The following UGT2A2 variants were observed in gnomAD, a reference collection of about 807,000 sequenced individuals.
UGT2A2 encodes UDP-glucuronosyltransferase 2A2.
A neutral mutation model predicts 50.7 loss-of-function variants in UGT2A2; 60 were observed. The observed-to-expected ratio is 1.18, with a 90% CI of 0.96 to 1.47. The LOEUF (loss-of-function observed/expected upper bound fraction) is 1.47. Among genes scored for constraint, UGT2A2 ranks in the 40% most tolerant of loss-of-function variants. The pLI is 0.00. For missense variants in UGT2A2, 762 were observed against 634.0 expected, an observed-to-expected ratio of 1.20 and a Z score of -2.17; for synonymous variants, 242 against 214.6, an observed-to-expected ratio of 1.13 and a Z score of -1.11.
At chr4:69,619,238 A>G (rs997802107) in intron 1 of UGT2A2, among the ~76,000 whole-genome samples, 2 of 151,742 alleles carry the variant, frequency 1.3e-5, no homozygotes, top group Non-Finnish European at 2.9e-5. Context: ...CTCTATAAAA[A>G]TAAAAATAAA....
chr4:69,589,861 C>G (rs2288740), intron 5 of UGT2A2, among the ~76,000 whole-genome samples: 59,331 of 151,828 alleles, frequency 0.39, 11,852 homozygotes, highest in East Asian at 0.56. Flanking sequence ...ACAGTATGAT[C>G]AAATGTAGAC....
Position 69,589,234 on chromosome 4 carries a change from C to T in UGT2A2, c.*138G>A, listed in dbSNP as rs1053563082. ...CTAGGCTTTATCAGTAGGCTTATCG[C>T]AGGTAGAGAAATAGAAAATTTGGAA... On this transcript the variant is annotated 3_prime_UTR_variant, in exon 6 of 6. Transcript: ENST00000604629. 3.5e-6 allele frequency: 4 copies of T among 1,127,208 alleles called. No homozygotes were observed. The highest frequency in any genetic ancestry group is 4.8e-6 in the Non-Finnish European group (4 of 833,136). The allele number at this position is 1,127,208 out of a possible 1,614,324, so 69.8% of individuals were successfully genotyped here. A position where few individuals can be genotyped will look rare whatever the true frequency, so the allele number is the denominator to read the frequency against.
At chr4:69,609,033 C>T (rs1430883648) in intron 1 of UGT2A2, among the ~76,000 whole-genome samples, 1 of 151,784 alleles carries the variant, frequency 6.6e-6, no homozygotes, top group Non-Finnish European at 1.5e-5. Flanking sequence ...TATTCACTTC[C>T]ATTAAATTTA....
At chr4:69,628,290 A>AG (rs1057015075) in intron 1 of UGT2A2, among the ~76,000 whole-genome samples, 2 of 151,784 alleles carry the variant, frequency 1.3e-5, no homozygotes, top group African/African-American at 4.8e-5. Flanking sequence ...CCACAAAAAA[A>AG]CAAATATTCA....
intron 1 of UGT2A2, among the ~76,000 whole-genome samples, chr4:69,623,959 A>C (rs904007167): frequency 2.0e-5 from 3 of 151,708 alleles, no homozygotes; most frequent in African/African-American, 4.8e-5. Flanking sequence ...AGCATCTTAT[A>C]GATTGTGAAA....
intron 5 of UGT2A2, among the ~76,000 whole-genome samples, chr4:69,591,973 G>A (rs1440759569): frequency 2.0e-5 from 3 of 152,106 alleles, no homozygotes; most frequent in South Asian, 2.1e-4. Flanking sequence ...CAACATGTAC[G>A]TATTAATAAA....
rs1480503273 is a variant in UGT2A2 at position 69,602,462 on chromosome 4, TTTATCTATCTATCTATCTA to T, written c.743-3087_743-3069del. Among the ~76,000 whole-genome samples the T allele has an allele frequency of 4.1e-5, 5 of 120,716 alleles. 1 individual carries two copies. Among genetic ancestry groups the T allele is most frequent in the African/African-American group, 1.1e-4 (3 of 27,706 alleles). 79.2% of individuals were successfully genotyped at this position (120,716 alleles called of 152,430 possible). ...TTTTAGAATAACAAAGATTTAGGAG[TTTATCTATCTATCTATCTA>T]TCTATCTATCTATCTATCTATCTAT... On this transcript the variant is annotated intron_variant, in intron 1 of 5. Coordinates refer to ENST00000604629, the MANE Select transcript of UGT2A2 (RefSeq NM_001105677.2).
At chr4:69,637,423 G>A (rs985989265) in intron 1 of UGT2A2, among the ~76,000 whole-genome samples, 1 of 152,088 alleles carries the variant, frequency 6.6e-6, no homozygotes, top group East Asian at 1.9e-4. Context: ...CTTGTGAAAG[G>A]TAAGAGTAAG....
chr4:69,638,365 G>T (rs994300212), intron 1 of UGT2A2, among the ~76,000 whole-genome samples: 2 of 152,094 alleles, frequency 1.3e-5, no homozygotes, highest in Non-Finnish European at 2.9e-5. Flanking sequence ...CATGAGGCTG[G>T]CCACAGGATA....
intron 1 of UGT2A2, among the ~76,000 whole-genome samples, chr4:69,607,234 G>T (rs1355833966): frequency 7.1e-6 from 1 of 141,686 alleles, no homozygotes; most frequent in African/African-American, 2.6e-5. Context: ...AAGACCAATG[G>T]AACAGAACAG....
At chr4:69,591,584 G>A (rs919870594) in intron 5 of UGT2A2, among the ~76,000 whole-genome samples, 6 of 152,088 alleles carry the variant, frequency 3.9e-5, no homozygotes, top group African/African-American at 1.4e-4. Flanking sequence ...ATGCCAGAGA[G>A]GTATACTAAG....
intron 1 of UGT2A2, among the ~76,000 whole-genome samples, chr4:69,633,045 C>G (rs1415243238): frequency 2.6e-5 from 4 of 151,816 alleles, no homozygotes; most frequent in Non-Finnish European, 5.9e-5. Context: ...GTAAAAAGTC[C>G]ACCAAAGAAA....
chr4:69,632,091 A>G (rs959566820), intron 1 of UGT2A2, among the ~76,000 whole-genome samples: 1 of 152,222 alleles, frequency 6.6e-6, no homozygotes, highest in Admixed American at 6.5e-5. Flanking sequence ...GAGATTCACG[A>G]AAATGAAAGA....
chr4:69,637,557 C>T (rs1301134890), intron 1 of UGT2A2, among the ~76,000 whole-genome samples: 3 of 152,110 alleles, frequency 2.0e-5, no homozygotes, highest in African/African-American at 4.8e-5. Flanking sequence ...CTGACTTTCA[C>T]TTCCCTCAGG....
chr4:69,626,332 T>C (rs1358577936), intron 1 of UGT2A2, among the ~76,000 whole-genome samples: 1 of 151,542 alleles, frequency 6.6e-6, no homozygotes, highest in Non-Finnish European at 1.5e-5. Context: ...TGGATGATGT[T>C]TGGAGACCTT....
intron 1 of UGT2A2, among the ~76,000 whole-genome samples, chr4:69,605,385 C>A (rs1189503713): frequency 7.3e-6 from 1 of 136,808 alleles, no homozygotes; most frequent in East Asian, 2.1e-4. Flanking sequence ...ACAACAAAGA[C>A]ACAACATACC....
rs998813953 is a variant in UGT2A2, at chr4:69,594,686, T to A, written c.1122A>T (p.Lys374Asn). The change falls in exon 5 of 6, where the codon AAA becomes AAT. Residue 374 changes from lysine (K) to asparagine (N), a missense_variant. Transcript: ENST00000604629. ...IPQNDLLGHP[K>N]TKAFITHGGT... is the part of the protein sequence containing the mutation. ...CACCATGAGTGATAAAAGCTTTGGT[T>A]TTGGGATGTCCTAATTTGAGGATGG... is the stretch of plus-strand genomic sequence containing the variant. The A allele has an allele frequency of 1.2e-6, 2 of 1,613,484 alleles. No homozygotes were observed. Among genetic ancestry groups the A allele is most frequent in the Admixed American group, 1.7e-5 (1 of 59,920 alleles).
intron 1 of UGT2A2, among the ~76,000 whole-genome samples, chr4:69,613,163 C>G (rs541975743): frequency 6.6e-6 from 1 of 151,836 alleles, no homozygotes; most frequent in Non-Finnish European, 1.5e-5. Flanking sequence ...AAATGTGAAT[C>G]AAAATCATAA....
At chr4:69,627,852 A>G (rs547292090) in intron 1 of UGT2A2, among the ~76,000 whole-genome samples, 1 of 151,992 alleles carries the variant, frequency 6.6e-6, no homozygotes, top group Non-Finnish European at 1.5e-5. Context: ...TGTCATAGAC[A>G]ATATTACAGG....
Sources: gnomAD v4.1 joint callset for allele counts (sites outside exome capture counted in the v4.1 genomes callset) on GRCh38, gnomAD v4.1.1 for gene constraint, MANE v1.5 for transcripts, NCBI Gene and HGNC (gene_info 2026-07-23, HGNC 2026-07-21) for gene names.